METTL5: variants seen among roughly 807,000 people sequenced by gnomAD.
METTL5 encodes the protein rRNA N(6)-adenosine-methyltransferase METTL5.
Under a neutral mutation model 26.5 loss-of-function variants are expected in METTL5, and 28 were observed. That is an observed-to-expected ratio of 1.06 (90% CI 0.78 to 1.45). The LOEUF is 1.45. METTL5 is among the 40% of genes most tolerant of loss of function. The probability of loss-of-function intolerance (pLI) is 0.00; values close to 1 mark genes in which losing one functional copy is unlikely to be tolerated. For synonymous variants in METTL5, 86 were observed against 82.6 expected (o/e 1.04, Z -0.22); for missense variants, 231 against 249.9 (o/e 0.92, Z 0.51).
chr2:169,824,684 C>A lies in METTL5; in HGVS notation c.-87G>T, dbSNP rs2081629777. On this transcript the variant is annotated 5_prime_UTR_variant, in exon 1 of 7. Coordinates refer to ENST00000260953, the MANE Select transcript of METTL5 (RefSeq NM_014168.4). ...AACTGGGATCTTGTTTCCTCCCTAC[C>A]CCCAACCTTCTCCCTTTTTCAGCAC... is the stretch of plus-strand genomic sequence containing the variant. The A allele has an allele frequency of 3.7e-6, 4 of 1,081,478 alleles. No individual in the cohort carries two copies. Among genetic ancestry groups the A allele is most frequent in the East Asian group, 4.8e-5 (2 of 41,988 alleles). The allele number at this position is 1,081,478 out of a possible 1,614,324, so 67.0% of individuals were successfully genotyped here. A position where few individuals can be genotyped will look rare whatever the true frequency, so the allele number is the denominator to read the frequency against.
At position 169,824,474 on chromosome 2, in the gene METTL5, A is replaced by G; in HGVS notation, c.109+15T>C. On this transcript the variant is annotated intron_variant, in intron 1 of 6. Transcript: ENST00000260953. ...TAACGCCGAAAGCCGGGGCGTGGTG[A>G]ACCAGCCGCCCTACCTGCAATGTGC... 1 of 1,597,262 alleles carries G rather than the reference A, an allele frequency of 6.3e-7. No individual in the cohort carries two copies. Among genetic ancestry groups the G allele is most frequent in the Non-Finnish European group, 8.6e-7 (1 of 1,164,652 alleles).
intron 1 of METTL5, 96 bp from the exon 2 acceptor site, chr2:169,822,153 T>C (rs2081594485): frequency 6.8e-7 from 1 of 1,463,770 alleles, no homozygotes; most frequent in South Asian, 1.4e-5. Flanking sequence ...TTGTGTTGCA[T>C]TACTTAGTCC....
chr2:169,820,356 C>T (rs1573971899), intron 3 of METTL5, among the ~76,000 whole-genome samples: 6 of 152,262 alleles, frequency 3.9e-5, no homozygotes, highest in Admixed American at 3.9e-4. Context: ...TACTGATGGG[C>T]ACATGTAGAA....
chr2:169,817,068 TA>T (rs1208139059), intron 4 of METTL5, among the ~76,000 whole-genome samples: 1 of 151,632 alleles, frequency 6.6e-6, no homozygotes, highest in Non-Finnish European at 1.5e-5. Flanking sequence ...CCAGAATCTA[TA>T]AACAACTGAA....
chr2:169,820,503 TCTTTGTTTACTTA>T (rs1259684079), intron 3 of METTL5, among the ~76,000 whole-genome samples: 1 of 152,226 alleles, frequency 6.6e-6, no homozygotes, highest in African/African-American at 2.4e-5. Context: ...GACATGACTA[TCTTTGTTTACTTA>T]ATACAAATTT....
chr2:169,812,400 C>T, intron 6 of METTL5, 57 bp downstream of exon 6: 1 of 1,613,204 alleles, frequency 6.2e-7, no homozygotes, highest in East Asian at 2.2e-5. Flanking sequence ...ACCACCACAT[C>T]CGGCCCAGAA....
chr2:169,812,402 G>C (rs576684761), intron 6 of METTL5, 55 bp downstream of exon 6: 1 of 1,612,978 alleles, frequency 6.2e-7, no homozygotes, highest in Non-Finnish European at 8.5e-7. Context: ...CACCACATCC[G>C]GCCCAGAAAG....
rs781399257 is a variant in METTL5, at chr2:169,815,497, A to AT, written c.520dup (p.Ile174AsnfsTer12). The AT allele has an allele frequency of 6.2e-6, 10 of 1,604,194 alleles. No individual in the cohort carries two copies. In the African/African-American group the frequency reaches 1.3e-4, roughly 21 times the overall value. ...CTTACCTGCTATAATATCTATCTTG[A>AT]TTTTCCATTCTGCAGCTTTCTTTTG... On this transcript the variant is annotated frameshift_variant, in exon 5 of 7. Coordinates refer to ENST00000260953, the MANE Select transcript of METTL5 (RefSeq NM_014168.4). LOFTEE classifies it high-confidence loss of function.
intron 6 of METTL5, 37 bp downstream of exon 6, chr2:169,812,420 A>G (rs369312850): frequency 7.5e-5 from 121 of 1,613,772 alleles, no homozygotes; most frequent in Admixed American, 5.0e-4. Context: ...AAGCTTTTCA[A>G]TACCGAATGT....
Position 169,811,847 on chromosome 2 carries a change from T to C in METTL5, c.603A>G (p.Glu201=), listed in dbSNP as rs911316803. 4 of 1,613,620 alleles carry C rather than the reference T, an allele frequency of 2.5e-6. No homozygotes were observed. Among genetic ancestry groups the C allele is most frequent in the Non-Finnish European group, 3.4e-6 (4 of 1,179,760 alleles). ...KFHKKKSVDI[E]VDLIRFSF ...AAAAGGAAAACCGAATTAGGTCCAC[T>C]TCAATGTCCACCTGTGAGAAAGGAA... is the stretch of plus-strand genomic sequence containing the variant. Residue 201 remains glutamate (E), a synonymous_variant, in exon 7 of 7, where the codon GAA becomes GAG. Transcript: ENST00000260953.
intron 1 of METTL5, among the ~76,000 whole-genome samples, chr2:169,822,680 C>G (rs1348832112): frequency 2.0e-5 from 3 of 152,112 alleles, no homozygotes; most frequent in Admixed American, 1.3e-4. Context: ...ATCCTCCCGC[C>G]CCGGCTTTCC....
chr2:169,820,330 C>T (rs1165642115), intron 3 of METTL5, among the ~76,000 whole-genome samples: 2 of 152,150 alleles, frequency 1.3e-5, no homozygotes, highest in African/African-American at 4.8e-5. Flanking sequence ...AATTAACAGC[C>T]ACGGTGAGTC....
intron 5 of METTL5, among the ~76,000 whole-genome samples, chr2:169,814,281 G>A (rs1318489504): frequency 6.6e-6 from 1 of 151,800 alleles, no homozygotes; most frequent in African/African-American, 2.4e-5. Context: ...GAGGTCAGGA[G>A]TTCAAGACCA....
At chr2:169,820,573 C>T (rs938826888) in intron 3 of METTL5, among the ~76,000 whole-genome samples, 1 of 152,032 alleles carries the variant, frequency 6.6e-6, no homozygotes, top group African/African-American at 2.4e-5. Context: ...ATGCATTAAA[C>T]AAATTGAAAT....
intron 5 of METTL5, among the ~76,000 whole-genome samples, chr2:169,813,847 CAG>C (rs1690062040): frequency 6.6e-6 from 1 of 151,936 alleles, no homozygotes; most frequent in Non-Finnish European, 1.5e-5. Context: ...GCCTGGGCAA[CAG>C]AGGGAGACTC....
intron 5 of METTL5, chr2:169,813,315 G>C (rs1690041662): frequency 2.6e-5 from 4 of 151,642 alleles, no homozygotes; most frequent in African/African-American, 9.7e-5. Flanking sequence ...TTTTTTAGTA[G>C]AGACAGGGTT....
At chr2:169,820,483 T>C (rs931509465) in intron 3 of METTL5, among the ~76,000 whole-genome samples, 4 of 152,232 alleles carry the variant, frequency 2.6e-5, no homozygotes, top group African/African-American at 7.2e-5. Flanking sequence ...ATGGGAGATA[T>C]ACAATAAATG....
chr2:169,822,030 G>C lies in METTL5; in HGVS notation c.137C>G (p.Thr46Ser). 6.2e-7 allele frequency: 1 copy of C among 1,611,430 alleles called. No individual in the cohort carries two copies. The highest frequency in any genetic ancestry group is 2.2e-5 in the East Asian group (1 of 44,858). ...GACTTTATTTTCAATGTCATCATAA[G>C]TGTTATGGATTGTATAGAGCATACA... is the stretch of plus-strand genomic sequence containing the variant. ...AACMLYTIHN[T>S]YDDIENKVVA... Residue 46 changes from threonine (T) to serine (S), a missense_variant, in exon 2 of 7, where the codon ACT becomes AGT. Transcript: ENST00000260953.
intron 6 of METTL5, 181 bp downstream of exon 6, chr2:169,812,276 T>C (rs1689992485): frequency 2.1e-6 from 2 of 939,456 alleles, no homozygotes; most frequent in Non-Finnish European, 3.3e-6. Flanking sequence ...GTCTCACTCT[T>C]ATCGCGCAGG....
Sources: gnomAD v4.1 joint callset for allele counts (sites outside exome capture counted in the v4.1 genomes callset) on GRCh38, gnomAD v4.1.1 for gene constraint, MANE v1.5 for transcripts, NCBI Gene and HGNC (gene_info 2026-07-23, HGNC 2026-07-21) for gene names.